The following CLSTN2 variants were observed in gnomAD, a reference collection of about 807,000 sequenced individuals.
CLSTN2 encodes the protein calsyntenin-2.
Under a neutral mutation model 101.2 loss-of-function variants are expected in CLSTN2, and 48 were observed. The ratio of observed to expected loss-of-function variants is 0.47; its 90% CI spans 0.38 to 0.60. The LOEUF is 0.60. Ranked by LOEUF, CLSTN2 falls within the 20% of genes least tolerant of loss-of-function variation. CLSTN2 has a pLI of 0.00. For missense variants in CLSTN2, 1,160 were observed against 1,238.2 expected (o/e 0.94, Z 0.95); for synonymous variants, 481 against 463.6 (o/e 1.04, Z -0.48).
chr3:140,001,809 C>A (rs4683782), intron 1 of CLSTN2, among the ~76,000 whole-genome samples: 30,864 of 151,724 alleles, frequency 0.2, 3,483 homozygotes, highest in Admixed American at 0.34. Flanking sequence ...TCCTTCTACT[C>A]TCTATCTTCA....
chr3:140,117,703 C>T lies in CLSTN2; in HGVS notation c.110-58248C>T, dbSNP rs146649738. Among the ~76,000 whole-genome samples the T allele has an allele frequency of 3.6e-4, 55 of 152,304 alleles. No homozygotes were observed. The East Asian group carries it at 0.01, about 29-fold the overall frequency. ...TTAGCCCCTCCAGGAACTTTCATAG[C>T]CACAGACTTGTAGGATTAGCAGAGC... On this transcript the variant is annotated intron_variant, in intron 1 of 16. Coordinates refer to ENST00000458420, the MANE Select transcript of CLSTN2 (RefSeq NM_022131.3).
chr3:140,014,705 G>A (rs937231364), intron 1 of CLSTN2, among the ~76,000 whole-genome samples: 4 of 152,160 alleles, frequency 2.6e-5, no homozygotes, highest in African/African-American at 7.2e-5. Context: ...AGGCCCATAT[G>A]GCTGGAGAAG....
intron 1 of CLSTN2, among the ~76,000 whole-genome samples, chr3:139,978,789 G>A (rs1007953532): frequency 1.1e-4 from 16 of 151,716 alleles, no homozygotes; most frequent in African/African-American, 3.4e-4. Context: ...TGAAAAATTA[G>A]GTAGCAATAT....
At chr3:140,314,529 T>C (rs922339875) in intron 2 of CLSTN2, among the ~76,000 whole-genome samples, 3 of 152,098 alleles carry the variant, frequency 2.0e-5, no homozygotes, top group Non-Finnish European at 4.4e-5. Context: ...GTGGTAGAGT[T>C]AGATGCTCTC....
At chr3:140,190,502 T>TAGC (rs2010544920) in intron 2 of CLSTN2, among the ~76,000 whole-genome samples, 1 of 149,294 alleles carries the variant, frequency 6.7e-6, no homozygotes, top group Non-Finnish European at 1.5e-5. Flanking sequence ...TAAACATGTA[T>TAGC]AGCAACTTTA....
At chr3:140,140,303 G>A (rs1341033442) in intron 1 of CLSTN2, among the ~76,000 whole-genome samples, 7 of 152,114 alleles carry the variant, frequency 4.6e-5, no homozygotes, top group Non-Finnish European at 8.8e-5. Flanking sequence ...TCTGCAAGCC[G>A]TACAAGAAGC....
intron 2 of CLSTN2, among the ~76,000 whole-genome samples, chr3:140,200,354 T>C (rs539017422): frequency 8.0e-4 from 122 of 152,286 alleles, no homozygotes; most frequent in Admixed American, 2.2e-3. Flanking sequence ...ATGGATCCCC[T>C]AAGTCATTTC....
chr3:139,935,460 A>C lies in CLSTN2; in HGVS notation c.86A>C (p.Gln29Pro). ...AGCGGCGGTGGCGGGGACAGCCGGC[A>C]GCGCCGCCTCCTCGCGGCTAAAGGT... is the stretch of plus-strand genomic sequence containing the variant. ...SGSGGGGDSR[Q>P]RRLLAAKVNK... is the part of the protein sequence containing the mutation. The change falls in exon 1 of 17, where the codon CAG becomes CCG. Residue 29 changes from glutamine (Q) to proline (P), a missense_variant. Coordinates refer to ENST00000458420, the MANE Select transcript of CLSTN2 (RefSeq NM_022131.3). The surrounding 1 kb of genome is among the most constrained non-coding windows in gnomAD (Gnocchi z 5.5). 9 of 1,231,060 alleles carry C rather than the reference A, an allele frequency of 7.3e-6. No homozygotes were observed. Among genetic ancestry groups the C allele is most frequent in the Non-Finnish European group, 9.1e-6 (9 of 986,876 alleles). 76.3% of individuals were successfully genotyped at this position (1,231,060 alleles called of 1,614,324 possible).
intron 1 of CLSTN2, among the ~76,000 whole-genome samples, chr3:140,111,673 T>C (rs2009158151): frequency 6.6e-6 from 1 of 152,160 alleles, no homozygotes; most frequent in Admixed American, 6.5e-5. Context: ...ACCCCATGTG[T>C]TCCTGGGGCC....
At chr3:140,286,924 A>G (rs181848556) in intron 2 of CLSTN2, among the ~76,000 whole-genome samples, 5 of 152,268 alleles carry the variant, frequency 3.3e-5, no homozygotes, top group Non-Finnish European at 7.4e-5. Context: ...GAGGTCCTGG[A>G]AAGTCTAGGT....
At chr3:140,012,293 G>A (rs1230538009) in intron 1 of CLSTN2, among the ~76,000 whole-genome samples, 1 of 152,132 alleles carries the variant, frequency 6.6e-6, no homozygotes, top group Non-Finnish European at 1.5e-5. Flanking sequence ...AGGGGAGGGA[G>A]CAGGGAGAGA....
At chr3:140,158,889 T>C (rs1380550847) in intron 1 of CLSTN2, among the ~76,000 whole-genome samples, 2 of 152,100 alleles carry the variant, frequency 1.3e-5, no homozygotes, top group African/African-American at 4.8e-5. Flanking sequence ...GGTACAGCCA[T>C]CTGATCTTCA....
intron 2 of CLSTN2, among the ~76,000 whole-genome samples, chr3:140,320,695 C>G (rs1040324632): frequency 1.3e-5 from 2 of 151,512 alleles, no homozygotes; most frequent in Non-Finnish European, 2.9e-5. Flanking sequence ...TATTGACTCC[C>G]CCTTCCAAAA....
chr3:140,052,564 G>A (rs1576410777), intron 1 of CLSTN2, among the ~76,000 whole-genome samples: 1 of 152,260 alleles, frequency 6.6e-6, no homozygotes, highest in East Asian at 1.9e-4. Context: ...CATAACCCTG[G>A]GGGAAGGCAG....
At chr3:140,503,056 C>A (rs947932970) in intron 8 of CLSTN2, among the ~76,000 whole-genome samples, 1 of 152,162 alleles carries the variant, frequency 6.6e-6, no homozygotes, top group Non-Finnish European at 1.5e-5. Context: ...CCCCTTTCAT[C>A]TTTAAGGTCA....
At chr3:140,386,419 C>T (rs2088052065) in intron 2 of CLSTN2, among the ~76,000 whole-genome samples, 1 of 152,174 alleles carries the variant, frequency 6.6e-6, no homozygotes, top group Non-Finnish European at 1.5e-5. Context: ...GCTGAAATAA[C>T]ACTTGAGGGG....
intron 2 of CLSTN2, among the ~76,000 whole-genome samples, chr3:140,396,784 T>A (rs904403609): frequency 6.6e-6 from 1 of 152,224 alleles, no homozygotes; most frequent in Non-Finnish European, 1.5e-5. Context: ...CAAAGCAAAC[T>A]GAGCCGCTCT....
At chr3:139,987,968 G>A (rs577128777) in intron 1 of CLSTN2, among the ~76,000 whole-genome samples, 1 of 152,350 alleles carries the variant, frequency 6.6e-6, no homozygotes, top group South Asian at 2.1e-4. Flanking sequence ...AATAAGGATA[G>A]TGAATGTGAA....
chr3:140,058,329 C>T (rs2107771528), intron 1 of CLSTN2, among the ~76,000 whole-genome samples: 1 of 152,256 alleles, frequency 6.6e-6, no homozygotes, highest in African/African-American at 2.4e-5. Flanking sequence ...AATATTGGAA[C>T]TGGGCTTTGA....
Sources: allele counts gnomAD v4.1 joint callset (sites outside exome capture counted in the v4.1 genomes callset), GRCh38; gene constraint gnomAD v4.1.1; non-coding constraint Gnocchi (gnomAD v3.1); transcripts MANE v1.5; gene names NCBI Gene and HGNC (gene_info 2026-07-23, HGNC 2026-07-21).